SCN11A: variants seen among roughly 807,000 people sequenced by gnomAD.
SCN11A encodes sodium channel protein type 11 subunit alpha.
Under a neutral mutation model 162.2 loss-of-function variants are expected in SCN11A, and 122 were observed. The observed-to-expected ratio is 0.75, with a 90% CI of 0.65 to 0.87. SCN11A has a LOEUF of 0.87. Ranked by LOEUF, SCN11A falls within the 40% of genes least tolerant of loss-of-function variation. The probability of loss-of-function intolerance (pLI) is 0.00; values close to 1 mark genes in which losing one functional copy is unlikely to be tolerated. For synonymous variants in SCN11A, 758 were observed against 751.5 expected (o/e 1.01, Z -0.14); for missense variants, 2,015 against 2,181.6 (o/e 0.92, Z 1.52).
chr3:39,004,145 T>C (rs1011707653), intron 2 of SCN11A, among the ~76,000 whole-genome samples: 9 of 152,206 alleles, frequency 5.9e-5, no homozygotes, highest in Non-Finnish European at 1.0e-4. Context: ...AGGGTTTTTA[T>C]AGTTTTGGGT....
chr3:38,908,060 G>T lies in SCN11A; in HGVS notation c.1362C>A (p.Thr454=). 1 of 1,613,084 alleles carries T rather than the reference G, an allele frequency of 6.2e-7. No homozygotes were observed. Among genetic ancestry groups the T allele is most frequent in the African/African-American group, 1.3e-5 (1 of 74,904 alleles). ...SLTSLETSYF[T]PKKRKLFGNK... ...TACCAAAGAGCTTTCTCTTTTTTGG[G>T]GTAAAATATGATGTTTCAAGGGAAG... Residue 454 remains threonine, a synonymous_variant, in exon 14 of 30, where the codon ACC becomes ACA. Coordinates refer to ENST00000302328, the MANE Select transcript of SCN11A (RefSeq NM_001349253.2).
intron 2 of SCN11A, among the ~76,000 whole-genome samples, chr3:38,997,614 G>A (rs574234297): frequency 6.6e-6 from 1 of 152,334 alleles, no homozygotes; most frequent in East Asian, 1.9e-4. Context: ...GCAAGGATCT[G>A]TATCTGTTTT....
chr3:38,895,015 G>T (rs747267703), intron 18 of SCN11A, 51 bp from the exon 19 acceptor site: 34 of 1,502,266 alleles, frequency 2.3e-5, no homozygotes, highest in Non-Finnish European at 2.8e-5. Flanking sequence ...CAAAGGAAAA[G>T]ATATAGTGGG....
intron 2 of SCN11A, among the ~76,000 whole-genome samples, chr3:38,961,681 C>A (rs983394773): frequency 9.9e-5 from 15 of 152,140 alleles, no homozygotes; most frequent in Admixed American, 3.9e-4. Flanking sequence ...AGAGCCCTGG[C>A]CTTTTGAAAT....
chr3:38,914,560 G>C (rs2065932636), intron 11 of SCN11A, among the ~76,000 whole-genome samples: 1 of 152,078 alleles, frequency 6.6e-6, no homozygotes, highest in Admixed American at 6.6e-5. Flanking sequence ...ATCCTGTCTT[G>C]TGCTACTTTT....
chr3:39,002,202 T>G (rs1442611802), intron 2 of SCN11A, among the ~76,000 whole-genome samples: 1 of 152,254 alleles, frequency 6.6e-6, no homozygotes, highest in East Asian at 1.9e-4. Context: ...GTTTGATTAC[T>G]GTAGTTTATA....
chr3:38,889,157 G>A (rs1484110790), intron 19 of SCN11A, among the ~76,000 whole-genome samples: 6 of 152,114 alleles, frequency 3.9e-5, no homozygotes, highest in South Asian at 4.2e-4. Context: ...CAGGCACGGT[G>A]GCTTATGCCT....
intron 13 of SCN11A, 38 bp from the exon 14 acceptor site, chr3:38,908,160 A>T (rs757840890): frequency 6.3e-7 from 1 of 1,577,682 alleles, no homozygotes; most frequent in South Asian, 1.2e-5. Context: ...AACAGATTAC[A>T]CCTCCTCATG....
chr3:39,036,333 C>T (rs774762319), intron 1 of SCN11A, among the ~76,000 whole-genome samples: 32 of 152,098 alleles, frequency 2.1e-4, no homozygotes, highest in Middle Eastern at 3.4e-3. Context: ...TTAGTAGAGA[C>T]GGGATTTTGC....
intron 26 of SCN11A, among the ~76,000 whole-genome samples, chr3:38,870,370 G>A (rs368789382): frequency 1.3e-5 from 2 of 152,258 alleles, no homozygotes; most frequent in East Asian, 3.9e-4. Flanking sequence ...CCAACCATTT[G>A]GAGAAGAGGG....
intron 2 of SCN11A, among the ~76,000 whole-genome samples, chr3:39,001,440 A>G (rs1237526267): frequency 6.6e-6 from 1 of 152,230 alleles, no homozygotes; most frequent in Admixed American, 6.5e-5. Context: ...TGCATGTTGT[A>G]GCATGTATCA....
intron 1 of SCN11A, among the ~76,000 whole-genome samples, chr3:39,042,643 A>T (rs1024124103): frequency 6.6e-6 from 1 of 152,158 alleles, no homozygotes. Flanking sequence ...AGGGAAAAAA[A>T]ATCTAATAAT....
intron 7 of SCN11A, among the ~76,000 whole-genome samples, chr3:38,930,050 A>G (rs1206581306): frequency 1.3e-5 from 2 of 152,180 alleles, no homozygotes. Context: ...CAAAAAAAAA[A>G]TCTCGTATCT....
At chr3:38,936,592 G>A (rs1482811129) in intron 7 of SCN11A, among the ~76,000 whole-genome samples, 1 of 150,416 alleles carries the variant, frequency 6.6e-6, no homozygotes, top group Non-Finnish European at 1.5e-5. Flanking sequence ...CAAACAGAGA[G>A]CCAAATCATG....
At chr3:38,894,996 A>C (rs1460793126) in intron 18 of SCN11A, 32 bp from the exon 19 acceptor site, 1 of 1,544,090 alleles carries the variant, frequency 6.5e-7, no homozygotes, top group East Asian at 2.3e-5. Flanking sequence ...AGAAGAAAGG[A>C]AAGTTTAGCA....
intron 1 of SCN11A, among the ~76,000 whole-genome samples, chr3:39,040,410 T>C (rs776247192): frequency 1.3e-5 from 2 of 152,074 alleles, no homozygotes; most frequent in Non-Finnish European, 2.9e-5. Context: ...CTCCATGAAA[T>C]TGGAAGAGGT....
chr3:38,911,296 A>G (rs9826110), intron 11 of SCN11A, among the ~76,000 whole-genome samples: 2,117 of 152,306 alleles, frequency 0.014, 49 homozygotes, highest in African/African-American at 0.047. Flanking sequence ...TAGTTTGGCC[A>G]GAAATAGAAT....
intron 7 of SCN11A, among the ~76,000 whole-genome samples, chr3:38,933,104 AG>A (rs1400235631): frequency 2.6e-5 from 4 of 152,240 alleles, no homozygotes. Context: ...GCTGGTACCC[AG>A]GCAAACAGGG....
intron 1 of SCN11A, among the ~76,000 whole-genome samples, chr3:39,039,601 C>T (rs2031993004): frequency 6.6e-6 from 1 of 152,218 alleles, no homozygotes; most frequent in Non-Finnish European, 1.5e-5. Context: ...CTAAAGCCCA[C>T]ATAGCACTCT....
Sources: gnomAD v4.1 joint callset for allele counts (sites outside exome capture counted in the v4.1 genomes callset) on GRCh38, gnomAD v4.1.1 for gene constraint, MANE v1.5 for transcripts, NCBI Gene and HGNC (gene_info 2026-07-23, HGNC 2026-07-21) for gene names.